The following CBFA2T2 variants were observed in gnomAD, a reference collection of about 807,000 sequenced individuals.
CBFA2T2 encodes protein CBFA2T2.
A neutral mutation model predicts 62.2 loss-of-function variants in CBFA2T2; 11 were observed. That is an observed-to-expected ratio of 0.18 (90% CI 0.11 to 0.29). The LOEUF (loss-of-function observed/expected upper bound fraction) is 0.29. Among genes scored for constraint, CBFA2T2 ranks in the 10% least tolerant of loss-of-function variants. The pLI is 1.00. For synonymous variants in CBFA2T2, 295 were observed against 287.5 expected (o/e 1.03, Z -0.27); for missense variants, 592 against 774.1 (o/e 0.76, Z 2.79).
intron 8 of CBFA2T2, among the ~76,000 whole-genome samples, chr20:33,634,570 C>G (rs1849327806): frequency 6.9e-6 from 1 of 145,578 alleles, no homozygotes; most frequent in African/African-American, 2.5e-5. Context: ...ACTTGGGAAG[C>G]TGAGGTAGGA....
intron 1 of CBFA2T2, among the ~76,000 whole-genome samples, chr20:33,576,953 T>A (rs1050973301): frequency 1.3e-5 from 2 of 152,266 alleles, no homozygotes; most frequent in African/African-American, 2.4e-5. Flanking sequence ...TTGCCATATT[T>A]AGTCCATCTT....
intron 1 of CBFA2T2, among the ~76,000 whole-genome samples, chr20:33,606,253 A>G (rs2015335214): frequency 1.3e-5 from 2 of 152,302 alleles, no homozygotes; most frequent in South Asian, 4.1e-4. Context: ...AGTTAAAGAA[A>G]ATGCATTTGA....
At chr20:33,585,328 A>G (rs2014314767) in intron 1 of CBFA2T2, among the ~76,000 whole-genome samples, 1 of 152,204 alleles carries the variant, frequency 6.6e-6, no homozygotes, top group Admixed American at 6.5e-5. Flanking sequence ...CCATCGTGTC[A>G]TCAGTTCCAT....
chr20:33,519,629 G>T (rs972991022), intron 1 of CBFA2T2, among the ~76,000 whole-genome samples: 3 of 152,178 alleles, frequency 2.0e-5, no homozygotes, highest in African/African-American at 7.2e-5. Context: ...GGACAACTCT[G>T]TGTATGGTAT....
chr20:33,552,684 G>A (rs1003378180), intron 1 of CBFA2T2, among the ~76,000 whole-genome samples: 2 of 152,160 alleles, frequency 1.3e-5, no homozygotes, highest in Non-Finnish European at 1.5e-5. Context: ...TTTAGGAAGT[G>A]AGACAAATGG....
chr20:33,640,318 A>T (rs1318955684), intron 9 of CBFA2T2, 23 bp from the exon 10 acceptor site: 1 of 1,603,504 alleles, frequency 6.2e-7, no homozygotes, highest in African/African-American at 1.3e-5. Context: ...CGGCCAGTTG[A>T]TTTTACTGTC....
chr20:33,627,372 G>C (rs2016275207), intron 6 of CBFA2T2, among the ~76,000 whole-genome samples: 1 of 152,026 alleles, frequency 6.6e-6, no homozygotes, highest in Non-Finnish European at 1.5e-5. Flanking sequence ...ACTCCATCCT[G>C]GCAACAGAGT....
At chr20:33,554,247 ACTTTTTT>A (rs1348611220) in intron 1 of CBFA2T2, among the ~76,000 whole-genome samples, 1 of 148,094 alleles carries the variant, frequency 6.8e-6, no homozygotes, top group Non-Finnish European at 1.5e-5. Flanking sequence ...TATTTTTCTT[ACTTTTTT>A]CTTTTTTTTT....
intron 8 of CBFA2T2, among the ~76,000 whole-genome samples, chr20:33,633,279 CGA>C (rs2016517921): frequency 6.6e-6 from 1 of 151,594 alleles, no homozygotes; most frequent in African/African-American, 2.4e-5. Context: ...GGCTGAGGCA[CGA>C]GAATCACTCA....
At chr20:33,593,593 A>G (rs573483819) in intron 1 of CBFA2T2, among the ~76,000 whole-genome samples, 166 of 151,982 alleles carry the variant, frequency 1.1e-3, no homozygotes, top group African/African-American at 3.6e-3. Context: ...GGGTTTTGCC[A>G]TGTTGGCCAG....
intron 1 of CBFA2T2, among the ~76,000 whole-genome samples, chr20:33,539,188 G>A (rs6141969): frequency 6.6e-6 from 1 of 152,120 alleles, no homozygotes; most frequent in East Asian, 1.9e-4. Context: ...TTAACTGTTA[G>A]GCCTGTTTGC....
chr20:33,498,907 G>GT (rs1415616512), intron 1 of CBFA2T2, among the ~76,000 whole-genome samples: 1 of 152,078 alleles, frequency 6.6e-6, no homozygotes, highest in Non-Finnish European at 1.5e-5. Context: ...GCCAGGTATG[G>GT]TGGTGGGTGC....
At chr20:33,516,613 C>G (rs1830963962) in intron 1 of CBFA2T2, among the ~76,000 whole-genome samples, 1 of 152,226 alleles carries the variant, frequency 6.6e-6, no homozygotes, top group African/African-American at 2.4e-5. Flanking sequence ...GCTGGGATTA[C>G]AGGTGTGAAC....
rs1389799222 is a variant in CBFA2T2, at chr20:33,644,827, G to A, written c.*181G>A. 26 of 658,810 alleles carry A rather than the reference G, an allele frequency of 3.9e-5. No individual in the cohort carries two copies. The highest frequency in any genetic ancestry group is 1.9e-4 in the Admixed American group (6 of 31,548). The allele number at this position is 658,810 out of a possible 1,614,324, so 40.8% of individuals were successfully genotyped here. A position where few individuals can be genotyped will look rare whatever the true frequency, so the allele number is the denominator to read the frequency against. ...GCCTCTCTGTGCACTTGCTGTCTGC[G>A]GAGCCAGTGTGCCATTCTCTGCACA... On this transcript the variant is annotated 3_prime_UTR_variant, in exon 11 of 11. Transcript: ENST00000342704.
At chr20:33,630,189 C>G (rs1312071312) in intron 8 of CBFA2T2, among the ~76,000 whole-genome samples, 2 of 152,146 alleles carry the variant, frequency 1.3e-5, no homozygotes, top group Non-Finnish European at 2.9e-5. Flanking sequence ...CTCAAGCAAT[C>G]CTCCTGCCTC....
intron 1 of CBFA2T2, among the ~76,000 whole-genome samples, chr20:33,565,441 TG>T (rs1486447161): frequency 6.6e-6 from 1 of 152,326 alleles, no homozygotes; most frequent in Non-Finnish European, 1.5e-5. Context: ...AATGCTTTTC[TG>T]TAGGATAGGG....
At chr20:33,599,080 G>A (rs1403353147) in intron 1 of CBFA2T2, among the ~76,000 whole-genome samples, 1 of 152,160 alleles carries the variant, frequency 6.6e-6, no homozygotes, top group African/African-American at 2.4e-5. Context: ...GGGCAGCAGG[G>A]TGAAACTCCA....
chr20:33,588,745 G>C (rs1234953252), intron 1 of CBFA2T2, among the ~76,000 whole-genome samples: 1 of 152,054 alleles, frequency 6.6e-6, no homozygotes, highest in African/African-American at 2.4e-5. Context: ...TCAAGAGTTC[G>C]AGACCAGCTT....
At chr20:33,532,901 T>C (rs1018239051) in intron 1 of CBFA2T2, among the ~76,000 whole-genome samples, 2 of 152,220 alleles carry the variant, frequency 1.3e-5, no homozygotes, top group Non-Finnish European at 2.9e-5. Flanking sequence ...CAAGGAGTGA[T>C]TCCTCTCTGT....
Sources: gnomAD v4.1 joint callset for allele counts (sites outside exome capture counted in the v4.1 genomes callset) on GRCh38, gnomAD v4.1.1 for gene constraint, MANE v1.5 for transcripts, NCBI Gene and HGNC (gene_info 2026-07-23, HGNC 2026-07-21) for gene names.